The following SGMS1 variants were observed in gnomAD, a reference collection of about 807,000 sequenced individuals.
SGMS1 encodes the protein sphingomyelin synthase 1, also known as phosphatidylcholine:ceramide cholinephosphotransferase 1.
SGMS1 carries 13 observed loss-of-function variants against 46.2 expected under a neutral mutation model. That is an observed-to-expected ratio of 0.28 (90% confidence interval 0.18 to 0.45). SGMS1 has a LOEUF of 0.45. SGMS1 is among the 20% of genes least tolerant of loss of function. SGMS1 has a pLI of 1.00. For synonymous variants in SGMS1, 203 were observed against 187.8 expected, an observed-to-expected ratio of 1.08 and a Z score of -0.66; for missense variants, 324 against 519.9, an observed-to-expected ratio of 0.62 and a Z score of 3.66.
At chr10:50,582,308 G>A (rs991854531) in intron 2 of SGMS1, among the ~76,000 whole-genome samples, 11 of 152,044 alleles carry the variant, frequency 7.2e-5, no homozygotes, top group African/African-American at 2.2e-4. Flanking sequence ...TCTGAGTCTC[G>A]AGAAAAAAAT....
intron 2 of SGMS1, among the ~76,000 whole-genome samples, chr10:50,537,404 A>C (rs1294930658): frequency 6.6e-6 from 1 of 150,690 alleles, no homozygotes; most frequent in Non-Finnish European, 1.5e-5. Flanking sequence ...CACTTAATTT[A>C]CTTAGCATCA....
chr10:50,620,171 CCCTG>C (rs1400743026), intron 1 of SGMS1, among the ~76,000 whole-genome samples: 1 of 152,144 alleles, frequency 6.6e-6, no homozygotes, highest in Non-Finnish European at 1.5e-5. Context: ...ACTCTCTCCT[CCCTG>C]ACATCCAATG....
intron 2 of SGMS1, among the ~76,000 whole-genome samples, chr10:50,587,633 ATGTGTG>A (rs35240090): frequency 0.025 from 3,489 of 138,220 alleles, 163 homozygotes; most frequent in African/African-American, 0.09. Context: ...CAAAATATAT[ATGTGTG>A]TGTGTGTGTG....
rs187486766 is a variant in SGMS1 at position 50,474,791 on chromosome 10, T to A, written c.-497-7859A>T. The stretch of plus-strand genomic sequence containing the variant: ...AAACTAAGAAGCAGAGAGAGTGCTA[T>A]CCATTTAGTCATTAGAGGAAATACT... On this transcript the variant is annotated intron_variant, in intron 3 of 10. Transcript: ENST00000361781. Among the ~76,000 whole-genome samples the A allele has an allele frequency of 9.2e-5, 14 of 152,260 alleles. No homozygotes were observed. The East Asian group carries it at 2.7e-3, about 29-fold the overall frequency.
intron 3 of SGMS1, among the ~76,000 whole-genome samples, chr10:50,478,649 C>A (rs900045881): frequency 3.3e-5 from 5 of 152,084 alleles, no homozygotes; most frequent in Non-Finnish European, 7.4e-5. Flanking sequence ...TAACCTGATG[C>A]ATAAAAATAC....
chr10:50,371,318 A>G (rs1304463185), intron 6 of SGMS1, among the ~76,000 whole-genome samples: 1 of 152,214 alleles, frequency 6.6e-6, no homozygotes. Flanking sequence ...AGGTGGCATT[A>G]CATTTCATCA....
At chr10:50,349,197 C>G (rs115375840) in intron 6 of SGMS1, among the ~76,000 whole-genome samples, 1 of 152,324 alleles carries the variant, frequency 6.6e-6, no homozygotes, top group African/African-American at 2.4e-5. Flanking sequence ...CTTAAAATAA[C>G]CCCTGTGCTT....
chr10:50,623,496 G>C, intron 1 of SGMS1: 1 of 865,404 alleles, frequency 1.2e-6, no homozygotes, highest in Non-Finnish European at 1.4e-6. Flanking sequence ...CCGGCCGCCG[G>C]ACCTCCCCGC....
At chr10:50,368,141 T>C (rs987828486) in intron 6 of SGMS1, among the ~76,000 whole-genome samples, 2 of 152,226 alleles carry the variant, frequency 1.3e-5, no homozygotes, top group African/African-American at 2.4e-5. Flanking sequence ...GTGATTTTAA[T>C]GTGCATTTAG....
chr10:50,393,422 A>G (rs1285428332), intron 6 of SGMS1, among the ~76,000 whole-genome samples: 4 of 152,212 alleles, frequency 2.6e-5, no homozygotes, highest in African/African-American at 7.2e-5. Flanking sequence ...TAAAAACCAA[A>G]GAAGCACAAA....
intron 2 of SGMS1, among the ~76,000 whole-genome samples, chr10:50,573,280 T>C (rs555652830): frequency 3.3e-5 from 5 of 152,278 alleles, no homozygotes; most frequent in African/African-American, 1.2e-4. Context: ...AATGTAAAAC[T>C]ATCTGTTTGC....
At chr10:50,428,549 G>A (rs141667559) in intron 6 of SGMS1, among the ~76,000 whole-genome samples, 24 of 152,248 alleles carry the variant, frequency 1.6e-4, no homozygotes, top group Non-Finnish European at 2.6e-4. Flanking sequence ...TCTTCCCCCC[G>A]TAATGATAGA....
intron 8 of SGMS1, among the ~76,000 whole-genome samples, chr10:50,321,931 C>A (rs1232332896): frequency 6.6e-6 from 1 of 152,144 alleles, no homozygotes; most frequent in Non-Finnish European, 1.5e-5. Flanking sequence ...AGCAGCAAGT[C>A]AAAGGAGGTG....
intron 8 of SGMS1, among the ~76,000 whole-genome samples, chr10:50,325,830 A>G (rs1415730346): frequency 6.6e-6 from 1 of 152,218 alleles, no homozygotes; most frequent in Non-Finnish European, 1.5e-5. Context: ...GAGCTGAATT[A>G]AACTTAGGTG....
chr10:50,456,737 T>G (rs963214503), intron 5 of SGMS1, among the ~76,000 whole-genome samples: 21 of 152,164 alleles, frequency 1.4e-4, no homozygotes, highest in African/African-American at 4.6e-4. Flanking sequence ...TTTAGTTAAG[T>G]AGTAAAGCCA....
chr10:50,591,148 C>G (rs1411044092), intron 1 of SGMS1, among the ~76,000 whole-genome samples: 1 of 152,174 alleles, frequency 6.6e-6, no homozygotes, highest in Admixed American at 6.5e-5. Context: ...TCTGTTTTGG[C>G]ATTACCCATC....
At chr10:50,613,004 T>C (rs1249115965) in intron 1 of SGMS1, among the ~76,000 whole-genome samples, 2 of 152,230 alleles carry the variant, frequency 1.3e-5, no homozygotes, top group East Asian at 3.8e-4. Flanking sequence ...ACTCCCCAAG[T>C]AGTTTTGAAG....
In SGMS1 at chr10:50,343,811, T is replaced by A. The variant is rs769464153; in HGVS notation, c.304A>T (p.Ile102Phe). Residue 102 changes from isoleucine (I) to phenylalanine (F), a missense_variant, in exon 7 of 11, where the codon ATT becomes TTT. Around this residue, in one of 2 missense-constraint regions of SGMS1, gnomAD observed 150 missense variants for 169.8 expected, o/e 0.88. Coordinates refer to ENST00000361781, the MANE Select transcript of SGMS1 (RefSeq NM_147156.4). ...CCATTTGGCATCCCGTTGGGTTTAA[T>A]CTTGATGCTGAAGCTGCCGTCGGGG... ...PTPDGSFSIK[I>F]KPNGMPNGYR... 2.5e-6 allele frequency: 4 copies of A among 1,614,078 alleles called. No homozygotes were observed. Among genetic ancestry groups the A allele is most frequent in the Non-Finnish European group, 3.4e-6 (4 of 1,180,050 alleles).
At chr10:50,456,628 T>A (rs1837194392) in intron 5 of SGMS1, among the ~76,000 whole-genome samples, 1 of 152,190 alleles carries the variant, frequency 6.6e-6, no homozygotes, top group Non-Finnish European at 1.5e-5. Context: ...ACATTATGCA[T>A]GTCTCTCCAA....
Sources: allele counts gnomAD v4.1 joint callset (sites outside exome capture counted in the v4.1 genomes callset), GRCh38; gene constraint gnomAD v4.1.1; regional missense constraint gnomAD v4.1.1; transcripts MANE v1.5; gene names NCBI Gene and HGNC (gene_info 2026-07-23, HGNC 2026-07-21).